Variants in PRDM16 observed in about 807,000 individuals in gnomAD.
PRDM16 encodes the protein PR/SET domain 16.
Under a neutral mutation model 110.6 loss-of-function variants are expected in PRDM16, and 23 were observed. The ratio of observed to expected loss-of-function variants is 0.21; its 90% CI spans 0.15 to 0.29. The LOEUF (loss-of-function observed/expected upper bound fraction) is 0.29, where lower values mean the gene tolerates loss of function less well. Ranked by LOEUF, PRDM16 falls within the 10% of genes least tolerant of loss-of-function variation. The pLI, the probability that PRDM16 is intolerant of heterozygous loss-of-function variation, is 1.00. For missense variants in PRDM16, 1,615 were observed against 1,794.3 expected (o/e 0.90, Z 1.81); for synonymous variants, 799 against 781.8 (o/e 1.02, Z -0.37).
chr1:3,086,462 G>A (rs980499369), intron 1 of PRDM16, among the ~76,000 whole-genome samples: 3 of 152,158 alleles, frequency 2.0e-5, no homozygotes, highest in Admixed American at 6.5e-5. Flanking sequence ...GAAAACGCCC[G>A]AGGTGTCGGT....
intron 1 of PRDM16, among the ~76,000 whole-genome samples, chr1:3,141,550 A>G (rs575317690): frequency 2.0e-5 from 3 of 152,378 alleles, no homozygotes; most frequent in Non-Finnish European, 2.9e-5. Flanking sequence ...GTGAGATATC[A>G]AAGCCCGGCC....
chr1:3,124,138 G>A (rs986794180), intron 1 of PRDM16, among the ~76,000 whole-genome samples: 3 of 152,230 alleles, frequency 2.0e-5, no homozygotes, highest in Non-Finnish European at 4.4e-5. Context: ...AGGGCCGGTG[G>A]AGGTGGACAG....
At chr1:3,391,611 C>T (rs115642107) in intron 4 of PRDM16, among the ~76,000 whole-genome samples, 1,675 of 152,322 alleles carry the variant, frequency 0.011, 27 homozygotes, top group African/African-American at 0.038. Context: ...GGGATGGTGA[C>T]GGCATATCGC....
chr1:3,228,257 G>A (rs1427953359), intron 2 of PRDM16, among the ~76,000 whole-genome samples: 1 of 152,216 alleles, frequency 6.6e-6, no homozygotes, highest in African/African-American at 2.4e-5. Flanking sequence ...GCGTTCACTC[G>A]CGATAAACGA....
At chr1:3,076,214 G>A (rs1641896500) in intron 1 of PRDM16, among the ~76,000 whole-genome samples, 1 of 152,210 alleles carries the variant, frequency 6.6e-6, no homozygotes, top group Non-Finnish European at 1.5e-5. Context: ...AAGCACGTGT[G>A]TGTGTCCAGG....
chr1:3,363,980 C>A (rs569001580), intron 3 of PRDM16, among the ~76,000 whole-genome samples: 1 of 152,212 alleles, frequency 6.6e-6, no homozygotes, highest in Middle Eastern at 3.4e-3. Context: ...CCCCCCGAGC[C>A]AGCCCGCTAC....
chr1:3,110,761 C>A lies in PRDM16; in HGVS notation c.37+41465C>A, dbSNP rs888438521. Among the ~76,000 whole-genome samples, 2 of 152,210 alleles carry A rather than the reference C, an allele frequency of 1.3e-5. 1 individual carries two copies. The highest frequency in any genetic ancestry group is 1.3e-4 in the Admixed American group (2 of 15,290). ...CTCTGAGTTGTGGGCTTCCTGTGGTCCTGGAGAGAATGTTCCGGCTCAGCC... is the reference window on the plus strand; with the variant it reads ...CTCTGAGTTGTGGGCTTCCTGTGGTACTGGAGAGAATGTTCCGGCTCAGCC... On this transcript the variant is annotated intron_variant, in intron 1 of 16. Coordinates refer to ENST00000270722, the MANE Select transcript of PRDM16 (RefSeq NM_022114.4).
At chr1:3,215,264 G>GACCTCTGTGTGGATGATCCAC (rs1638991785) in intron 2 of PRDM16, among the ~76,000 whole-genome samples, 1 of 147,472 alleles carries the variant, frequency 6.8e-6, no homozygotes, top group African/African-American at 2.6e-5. Context: ...AGCGGAACCC[G>GACCTCTGTGTGGATGATCCAC]ACCTCTGTGT....
intron 3 of PRDM16, among the ~76,000 whole-genome samples, chr1:3,362,857 G>A (rs989207503): frequency 6.6e-6 from 1 of 152,186 alleles, no homozygotes; most frequent in Non-Finnish European, 1.5e-5. Flanking sequence ...GGAGCCAGGA[G>A]CAGCACAGCC....
intron 3 of PRDM16, among the ~76,000 whole-genome samples, chr1:3,312,346 G>A (rs2100418465): frequency 6.6e-6 from 1 of 152,356 alleles, no homozygotes; most frequent in South Asian, 2.1e-4. Context: ...CTCTCACTGG[G>A]CCGGTGACAT....
At chr1:3,361,029 C>G (rs2100558280) in intron 3 of PRDM16, among the ~76,000 whole-genome samples, 1 of 152,362 alleles carries the variant, frequency 6.6e-6, no homozygotes, top group South Asian at 2.1e-4. Context: ...AGGACACTGA[C>G]TAACAACGGC....
chr1:3,341,023 G>T (rs1303200189), intron 3 of PRDM16, among the ~76,000 whole-genome samples: 1 of 151,974 alleles, frequency 6.6e-6, no homozygotes, highest in East Asian at 1.9e-4. Flanking sequence ...TAGGGAGGGG[G>T]ATGTGTCCAA....
intron 8 of PRDM16, among the ~76,000 whole-genome samples, chr1:3,410,027 ATGTG>A (rs1377527218): frequency 1.6e-5 from 2 of 125,524 alleles, no homozygotes; most frequent in Non-Finnish European, 3.2e-5. Flanking sequence ...CTGTGTGTGC[ATGTG>A]TGTGATTGTG....
At position 3,382,558 on chromosome 1, in the gene PRDM16, G is replaced by C. The variant is rs952150918; in HGVS notation, c.439-2594G>C. ...GCCACAGACTCCCCACCAAAGCGAG[G>C]CTTGAGCCAGCCGGGGCCCAGAACA... On this transcript the variant is annotated intron_variant, in intron 3 of 16. Transcript: ENST00000270722. This position sits in a 1 kb window ranked among gnomAD's most constrained non-coding sequence, Gnocchi z 6.6. Among the ~76,000 whole-genome samples the C allele has an allele frequency of 6.6e-6, 1 of 152,208 alleles. No homozygotes were observed. The highest frequency in any genetic ancestry group is 2.4e-5 in the African/African-American group (1 of 41,442).
Position 3,192,994 on chromosome 1 carries a change from G to C in PRDM16, c.387+6520G>C, listed in dbSNP as rs561830504. Reference sequence around the variant, plus strand: ...CATGTGCACAGCTGAGTTTAGGAAGGACCCGGCCAGACAGCGAGTACCCAG... The same window carrying C: ...CATGTGCACAGCTGAGTTTAGGAAGCACCCGGCCAGACAGCGAGTACCCAG... On this transcript the variant is annotated intron_variant, in intron 2 of 16. Coordinates refer to ENST00000270722, the MANE Select transcript of PRDM16 (RefSeq NM_022114.4). Among the ~76,000 whole-genome samples the C allele has an allele frequency of 5.8e-4, 88 of 152,260 alleles. 2 individuals carry two copies. The South Asian group carries it at 9.3e-3, about 16-fold the overall frequency.
At position 3,353,461 on chromosome 1, in the gene PRDM16, G is replaced by A. The variant is rs1642533351; in HGVS notation, c.439-31691G>A. Among the ~76,000 whole-genome samples, 1 of 152,194 alleles carries A rather than the reference G, an allele frequency of 6.6e-6. No individual in the cohort carries two copies. The highest frequency in any genetic ancestry group is 1.5e-5 in the Non-Finnish European group (1 of 68,026). ...CTGCGTTTGTCCTTGGGGTCATTGA[G>A]GAATCTCAGCACTGGCCCTGGCTTC... On this transcript the variant is annotated intron_variant, in intron 3 of 16. Transcript: ENST00000270722. The surrounding 1 kb of genome is among the most constrained non-coding windows in gnomAD (Gnocchi z 5.4).
intron 1 of PRDM16, among the ~76,000 whole-genome samples, chr1:3,159,709 G>C (rs1643883949): frequency 6.6e-6 from 1 of 152,172 alleles, no homozygotes; most frequent in South Asian, 2.1e-4. Flanking sequence ...GAGTCCAGGT[G>C]GCCTGATCCG....
At chr1:3,107,394 A>G (rs928171445) in intron 1 of PRDM16, among the ~76,000 whole-genome samples, 3 of 152,102 alleles carry the variant, frequency 2.0e-5, no homozygotes, top group African/African-American at 7.2e-5. Flanking sequence ...TTACAGTGTG[A>G]AGCTTAGGGA....
chr1:3,335,623 A>ACACG (rs1306398289), intron 3 of PRDM16, among the ~76,000 whole-genome samples: 1 of 151,868 alleles, frequency 6.6e-6, no homozygotes, highest in African/African-American at 2.4e-5. Flanking sequence ...ACACACACAC[A>ACACG]CACACACACA....
Sources: allele counts gnomAD v4.1 joint callset (sites outside exome capture counted in the v4.1 genomes callset), GRCh38; gene constraint gnomAD v4.1.1; non-coding constraint Gnocchi (gnomAD v3.1); transcripts MANE v1.5; gene names NCBI Gene and HGNC (gene_info 2026-07-23, HGNC 2026-07-21).